PPM1L: variants seen among roughly 807,000 people sequenced by gnomAD.
The protein encoded by PPM1L is protein phosphatase 1L.
Under a neutral mutation model 31.4 loss-of-function variants are expected in PPM1L, and 13 were observed. The ratio of observed to expected loss-of-function variants is 0.41; its 90% CI spans 0.27 to 0.66. PPM1L has a LOEUF of 0.66. Ranked by LOEUF, PPM1L falls within the 30% of genes least tolerant of loss-of-function variation. The probability of loss-of-function intolerance (pLI) is 0.29; values close to 1 mark genes in which losing one functional copy is unlikely to be tolerated. For missense variants in PPM1L, 326 were observed against 453.7 expected, an observed-to-expected ratio of 0.72 and a Z score of 2.56; for synonymous variants, 184 against 175.4, an observed-to-expected ratio of 1.05 and a Z score of -0.39.
intron 1 of PPM1L, among the ~76,000 whole-genome samples, chr3:160,847,529 G>C (rs574486904): frequency 5.8e-4 from 89 of 152,284 alleles, no homozygotes; most frequent in African/African-American, 2.1e-3. Flanking sequence ...CAACTGGTAA[G>C]TGTGATCTCA....
At chr3:160,780,903 T>G (rs1349257858) in intron 1 of PPM1L, among the ~76,000 whole-genome samples, 1 of 152,154 alleles carries the variant, frequency 6.6e-6, no homozygotes, top group African/African-American at 2.4e-5. Flanking sequence ...ATGTAAAGGG[T>G]TTAGTATAGT....
At chr3:161,012,278 T>C (rs1462835536) in intron 2 of PPM1L, among the ~76,000 whole-genome samples, 3 of 152,204 alleles carry the variant, frequency 2.0e-5, no homozygotes, top group Non-Finnish European at 4.4e-5. Context: ...GAGATCATCA[T>C]GTGGTTTTTG....
chr3:160,869,831 T>G (rs1207572527), intron 1 of PPM1L, among the ~76,000 whole-genome samples: 1 of 152,152 alleles, frequency 6.6e-6, no homozygotes, highest in African/African-American at 2.4e-5. Flanking sequence ...GAATGTTCTC[T>G]CCAGCTAAGA....
intron 2 of PPM1L, among the ~76,000 whole-genome samples, chr3:161,034,886 A>G (rs999742313): frequency 6.6e-6 from 1 of 151,892 alleles, no homozygotes; most frequent in East Asian, 1.9e-4. Flanking sequence ...CATATACACC[A>G]TGGAATACTA....
intron 1 of PPM1L, among the ~76,000 whole-genome samples, chr3:160,816,261 T>TTGTGTGTGTG (rs71147385): frequency 4.9e-4 from 72 of 147,980 alleles, no homozygotes; most frequent in African/African-American, 1.6e-3. Context: ...GCAGTTTCAT[T>TTGTGTGTGTG]TGTGTGTGTG....
At chr3:161,030,439 GC>G (rs1478578378) in intron 2 of PPM1L, among the ~76,000 whole-genome samples, 1 of 152,098 alleles carries the variant, frequency 6.6e-6, no homozygotes, top group Non-Finnish European at 1.5e-5. Context: ...TACTGAATTT[GC>G]CAGGACCTAG....
chr3:160,815,003 G>A (rs1220865223), intron 1 of PPM1L, among the ~76,000 whole-genome samples: 3 of 152,074 alleles, frequency 2.0e-5, no homozygotes, highest in Non-Finnish European at 4.4e-5. Context: ...GATTCAGGGG[G>A]TAGGGTAGAA....
At chr3:161,034,484 C>T (rs1032612661) in intron 2 of PPM1L, among the ~76,000 whole-genome samples, 2 of 152,146 alleles carry the variant, frequency 1.3e-5, no homozygotes, top group Non-Finnish European at 2.9e-5. Flanking sequence ...AAATGTGGCA[C>T]ATATACACCA....
At chr3:160,892,321 G>C (rs778279071) in intron 1 of PPM1L, among the ~76,000 whole-genome samples, 4 of 152,056 alleles carry the variant, frequency 2.6e-5, no homozygotes, top group Non-Finnish European at 5.9e-5. Context: ...GCGAGAGCAG[G>C]AGCAAGGCTG....
At chr3:160,843,140 C>A (rs1330386989) in intron 1 of PPM1L, among the ~76,000 whole-genome samples, 1 of 151,708 alleles carries the variant, frequency 6.6e-6, no homozygotes, top group Non-Finnish European at 1.5e-5. Context: ...CTGTATCTCA[C>A]AAATTATTAA....
At chr3:160,976,584 C>T (rs1437689644) in intron 2 of PPM1L, among the ~76,000 whole-genome samples, 1 of 151,594 alleles carries the variant, frequency 6.6e-6, no homozygotes, top group Non-Finnish European at 1.5e-5. Flanking sequence ...GATTCAACTT[C>T]TTCCTGGTTT....
At chr3:160,774,748 C>T (rs1345327301) in intron 1 of PPM1L, among the ~76,000 whole-genome samples, 6 of 152,160 alleles carry the variant, frequency 3.9e-5, no homozygotes, top group East Asian at 1.9e-4. Context: ...AGGTTCCCCT[C>T]GATTTCCAGC....
At chr3:160,809,713 G>C (rs1359795083) in intron 1 of PPM1L, among the ~76,000 whole-genome samples, 2 of 152,026 alleles carry the variant, frequency 1.3e-5, no homozygotes, top group African/African-American at 4.8e-5. Flanking sequence ...TGGGACAGTA[G>C]AGTCCTGGCT....
At chr3:161,057,098 A>G (rs999343042) in intron 2 of PPM1L, among the ~76,000 whole-genome samples, 1 of 152,098 alleles carries the variant, frequency 6.6e-6, no homozygotes, top group African/African-American at 2.4e-5. Flanking sequence ...TGACTAAGGC[A>G]TCTCCCTGGC....
At position 161,077,394 on chromosome 3, in the gene PPM1L, C is replaced by A. The variant is rs1380576010; in HGVS notation, c.*8237C>A. On this transcript the variant is annotated 3_prime_UTR_variant, in exon 4 of 4. Transcript: ENST00000498165. ...CCCAGTGGAGGGTGCCACTGGAAGC[C>A]TCCACCCAAGTGGGCCAGCAGCTGT... 1 of 152,302 alleles carries A rather than the reference C, an allele frequency of 6.6e-6. No individual in the cohort carries two copies. Among genetic ancestry groups the A allele is most frequent in the Non-Finnish European group, 1.5e-5 (1 of 68,162 alleles). The allele number at this position is 152,302 out of a possible 1,614,324, so 9.4% of individuals were successfully genotyped here.
At chr3:160,817,380 G>T (rs761156803) in intron 1 of PPM1L, among the ~76,000 whole-genome samples, 1 of 152,038 alleles carries the variant, frequency 6.6e-6, no homozygotes, top group Non-Finnish European at 1.5e-5. Context: ...GAGATGTGAG[G>T]TAATGAAAGT....
At chr3:160,914,436 C>T (rs1369908235) in intron 1 of PPM1L, among the ~76,000 whole-genome samples, 2 of 132,372 alleles carry the variant, frequency 1.5e-5, no homozygotes, top group Non-Finnish European at 3.2e-5. Context: ...CTATACCTCC[C>T]CCCTCCCCCC....
chr3:160,908,341 A>G (rs560267900), intron 1 of PPM1L, among the ~76,000 whole-genome samples: 1 of 150,702 alleles, frequency 6.6e-6, no homozygotes, highest in African/African-American at 2.4e-5. Context: ...AAGAAGGAAT[A>G]TGCATCCTCG....
At chr3:160,956,442 A>G (rs1715778505) in intron 1 of PPM1L, among the ~76,000 whole-genome samples, 1 of 152,224 alleles carries the variant, frequency 6.6e-6, no homozygotes, top group Admixed American at 6.5e-5. Flanking sequence ...CTGGCTAAAC[A>G]TAGAGCTGAA....
Sources: allele counts gnomAD v4.1 joint callset (sites outside exome capture counted in the v4.1 genomes callset), GRCh38; gene constraint gnomAD v4.1.1; transcripts MANE v1.5; gene names NCBI Gene and HGNC (gene_info 2026-07-23, HGNC 2026-07-21).